The following LIN52 variants were observed in gnomAD, a reference collection of about 807,000 sequenced individuals.
LIN52 encodes the protein lin-52 DREAM MuvB core complex component, also known as protein lin-52 homolog.
A neutral mutation model predicts 18.5 loss-of-function variants in LIN52; 4 were observed. That is an observed-to-expected ratio of 0.22 (90% CI 0.11 to 0.49). LIN52 has a LOEUF of 0.49. Among genes scored for constraint, LIN52 ranks in the 20% least tolerant of loss-of-function variants. LIN52 has a pLI of 0.97. For synonymous variants in LIN52, 34 were observed against 45.5 expected (o/e 0.75, Z 1.02); for missense variants, 102 against 139.5 (o/e 0.73, Z 1.35).
At chr14:74,097,350 G>A (rs577095992) in intron 3 of LIN52, among the ~76,000 whole-genome samples, 50 of 152,046 alleles carry the variant, frequency 3.3e-4, no homozygotes, top group African/African-American at 1.1e-3. Context: ...GAGAAATCCA[G>A]GTTTTTGAAA....
At chr14:74,099,104 C>T (rs1234504370) in intron 4 of LIN52, among the ~76,000 whole-genome samples, 1 of 151,988 alleles carries the variant, frequency 6.6e-6, no homozygotes, top group African/African-American at 2.4e-5. Flanking sequence ...CATGATTTTG[C>T]CCTACTTTAT....
chr14:74,194,154 G>C (rs559462736), intron 5 of LIN52, among the ~76,000 whole-genome samples: 3 of 152,298 alleles, frequency 2.0e-5, no homozygotes, highest in South Asian at 2.1e-4. Context: ...GGCAGAGAGG[G>C]CTGGTCTTGA....
chr14:74,121,703 G>A (rs1455437551), intron 5 of LIN52, among the ~76,000 whole-genome samples: 1 of 150,480 alleles, frequency 6.6e-6, no homozygotes, highest in African/African-American at 2.4e-5. Context: ...GTTAAGGAAA[G>A]AGGAAAACAC....
intron 5 of LIN52, among the ~76,000 whole-genome samples, chr14:74,166,382 A>C (rs1230341223): frequency 6.7e-6 from 1 of 150,310 alleles, no homozygotes; most frequent in Admixed American, 6.7e-5. Context: ...ACGCTGGCTA[A>C]TTTTGCATTT....
At chr14:74,183,457 T>G (rs553474899) in intron 5 of LIN52, among the ~76,000 whole-genome samples, 1 of 152,260 alleles carries the variant, frequency 6.6e-6, no homozygotes, top group South Asian at 2.1e-4. Flanking sequence ...CAATTAATCA[T>G]CCCTGTCTCT....
At chr14:74,188,401 G>T (rs1208348411) in intron 5 of LIN52, among the ~76,000 whole-genome samples, 1 of 151,992 alleles carries the variant, frequency 6.6e-6, no homozygotes, top group Non-Finnish European at 1.5e-5. Context: ...TTGGGCCTCA[G>T]TGTTTGTTGG....
At chr14:74,107,896 T>C (rs2060906694) in intron 5 of LIN52, among the ~76,000 whole-genome samples, 1 of 152,220 alleles carries the variant, frequency 6.6e-6, no homozygotes, top group Admixed American at 6.5e-5. Flanking sequence ...ACATAGTCTA[T>C]AATTCCCCAT....
intron 3 of LIN52, among the ~76,000 whole-genome samples, chr14:74,096,265 G>A (rs1211336424): frequency 6.6e-6 from 1 of 151,994 alleles, no homozygotes; most frequent in Non-Finnish European, 1.5e-5. Context: ...TCACCATCTT[G>A]GTCAGGCTGG....
chr14:74,115,877 A>G (rs1056313775), intron 5 of LIN52, among the ~76,000 whole-genome samples: 2 of 152,210 alleles, frequency 1.3e-5, no homozygotes, highest in Non-Finnish European at 2.9e-5. Flanking sequence ...TTTACCATAA[A>G]ATGCTTGTGG....
intron 5 of LIN52, among the ~76,000 whole-genome samples, chr14:74,117,511 A>G (rs895944683): frequency 1.3e-5 from 2 of 151,684 alleles, no homozygotes; most frequent in African/African-American, 2.4e-5. Context: ...TAGTTTTTGT[A>G]TAACAAAGAG....
chr14:74,112,399 C>T (rs1009927469), intron 5 of LIN52, among the ~76,000 whole-genome samples: 2 of 151,792 alleles, frequency 1.3e-5, no homozygotes, highest in Non-Finnish European at 2.9e-5. Flanking sequence ...CCTCTGCCTC[C>T]GGTTCAAGCG....
chr14:74,109,518 C>T (rs1483107328), intron 5 of LIN52, among the ~76,000 whole-genome samples: 2 of 152,214 alleles, frequency 1.3e-5, no homozygotes, highest in Non-Finnish European at 2.9e-5. Flanking sequence ...TCTAGACTCT[C>T]ATTCTATTCC....
chr14:74,173,070 A>C (rs1481732234), intron 5 of LIN52, among the ~76,000 whole-genome samples: 1 of 152,214 alleles, frequency 6.6e-6, no homozygotes, highest in Non-Finnish European at 1.5e-5. Flanking sequence ...ACCTATAATT[A>C]AATGCTTTTT....
At chr14:74,116,986 A>G (rs2060969263) in intron 5 of LIN52, among the ~76,000 whole-genome samples, 1 of 152,210 alleles carries the variant, frequency 6.6e-6, no homozygotes, top group East Asian at 1.9e-4. Flanking sequence ...TAGGAAAAAA[A>G]TACTACTTAA....
chr14:74,129,807 C>T (rs1290564637), intron 5 of LIN52, among the ~76,000 whole-genome samples: 16 of 152,168 alleles, frequency 1.1e-4, no homozygotes, highest in Admixed American at 1.0e-3. Flanking sequence ...GTGACCATGT[C>T]ACTTTACTCC....
chr14:74,186,637 G>A (rs1161119511), intron 5 of LIN52, among the ~76,000 whole-genome samples: 1 of 152,024 alleles, frequency 6.6e-6, no homozygotes, highest in African/African-American at 2.4e-5. Flanking sequence ...CCTGTCTCAG[G>A]GGGAACAAAA....
chr14:74,195,403 G>A (rs544028843), intron 5 of LIN52, among the ~76,000 whole-genome samples: 1 of 152,280 alleles, frequency 6.6e-6, no homozygotes, highest in East Asian at 1.9e-4. Context: ...GAATAGAAAT[G>A]GCTTTCTCTT....
rs1460924899 is a variant in LIN52 at position 74,198,750 on chromosome 14, T to C, written c.284-172T>C. Among the ~76,000 whole-genome samples the C allele has an allele frequency of 1.3e-5, 2 of 152,234 alleles. 1 individual carries two copies. The highest frequency in any genetic ancestry group is 3.8e-4 in the East Asian group (2 of 5,202). On this transcript the variant is annotated intron_variant, in intron 5 of 5. Coordinates refer to ENST00000555028, the MANE Select transcript of LIN52 (RefSeq NM_001024674.3). ...ATAGCTTTGTACAGTTTTAGTTGTC[T>C]ATAGTGGTTTGTTTTTACCCCCTTT...
At chr14:74,136,536 T>A (rs1023024235) in intron 5 of LIN52, among the ~76,000 whole-genome samples, 1 of 152,218 alleles carries the variant, frequency 6.6e-6, no homozygotes, top group Non-Finnish European at 1.5e-5. Flanking sequence ...TATAGTTGTT[T>A]GCATCCATTT....
Sources: allele counts gnomAD v4.1 joint callset (sites outside exome capture counted in the v4.1 genomes callset), GRCh38; gene constraint gnomAD v4.1.1; transcripts MANE v1.5; gene names NCBI Gene and HGNC (gene_info 2026-07-23, HGNC 2026-07-21).